The following FBN2 variants were observed in gnomAD, a reference collection of about 807,000 sequenced individuals.
The protein encoded by FBN2 is fibrillin-2.
In FBN2, 105 loss-of-function variants were observed where a neutral mutation model predicts 355.6. The observed-to-expected ratio is 0.30, with a 90% CI of 0.25 to 0.35. The LOEUF (loss-of-function observed/expected upper bound fraction) is 0.35, where lower values mean the gene tolerates loss of function less well. FBN2 is among the 10% of genes least tolerant of loss of function. The pLI is 1.00. For missense variants in FBN2, 3,280 were observed against 3,758.7 expected (o/e 0.87, Z 3.33); for synonymous variants, 1,350 against 1,301.2 (o/e 1.04, Z -0.81).
chr5:128,401,186 A>G (rs1232700270), intron 8 of FBN2, among the ~76,000 whole-genome samples: 1 of 152,178 alleles, frequency 6.6e-6, no homozygotes, highest in East Asian at 1.9e-4. Flanking sequence ...TGTTGCAAGT[A>G]CTTATCAGGA....
At chr5:128,319,127 T>C (rs1750296170) in intron 34 of FBN2, 126 bp from the exon 35 acceptor site, 1 of 733,200 alleles carries the variant, frequency 1.4e-6, no homozygotes, top group East Asian at 2.7e-5. Context: ...TTTTTTTTTC[T>C]CTTTTTTGGC....
chr5:128,386,911 T>C (rs1752380233), intron 11 of FBN2, among the ~76,000 whole-genome samples: 1 of 152,122 alleles, frequency 6.6e-6, no homozygotes, highest in Admixed American at 6.5e-5. Context: ...TCCTTTTTTA[T>C]TGTATCTCTG....
chr5:128,260,684 C>A (rs2126792850), intron 64 of FBN2, among the ~76,000 whole-genome samples: 1 of 152,286 alleles, frequency 6.6e-6, no homozygotes, highest in East Asian at 1.9e-4. Context: ...GTATCTTAGT[C>A]TACTTAAGGT....
intron 7 of FBN2, among the ~76,000 whole-genome samples, chr5:128,414,249 C>A (rs994997440): frequency 2.0e-5 from 3 of 152,142 alleles, no homozygotes; most frequent in African/African-American, 7.2e-5. Flanking sequence ...TTTCATCCCC[C>A]CCCAAGGAAA....
At chr5:128,365,349 G>A (rs1172601582) in intron 17 of FBN2, 1 of 152,276 alleles carries the variant, frequency 6.6e-6, no homozygotes, top group African/African-American at 2.4e-5. Flanking sequence ...GAATGATCAA[G>A]TAGTTTCCAA....
intron 23 of FBN2, among the ~76,000 whole-genome samples, chr5:128,346,550 T>G (rs943862825): frequency 3.9e-5 from 6 of 152,248 alleles, no homozygotes; most frequent in African/African-American, 1.4e-4. Flanking sequence ...TTCTTTCAAG[T>G]TCTAAAAGGT....
In FBN2 at chr5:128,530,692, C is replaced by A; in HGVS notation, c.339G>T (p.Pro113=). The change falls in exon 3 of 65, where the codon CCG becomes CCT. Residue 113 remains proline (P), a splice_region_variant and synonymous_variant. Coordinates refer to ENST00000262464, the MANE Select transcript of FBN2 (RefSeq NM_001999.4). ...CATCTCCACAACTATTTCTACAAAT[C>A]GCTGTAGAAAGCACAATAGGAAAAT... is the stretch of plus-strand genomic sequence containing the variant. ...TLPGGNQCIV[P]ICRNSCGDGF... 1.9e-6 allele frequency: 3 copies of A among 1,597,402 alleles called. No individual in the cohort carries two copies. The highest frequency in any genetic ancestry group is 2.6e-6 in the Non-Finnish European group (3 of 1,165,108).
At chr5:128,377,289 G>A (rs1205037100) in intron 13 of FBN2, among the ~76,000 whole-genome samples, 1 of 152,098 alleles carries the variant, frequency 6.6e-6, no homozygotes, top group Non-Finnish European at 1.5e-5. Context: ...CCATTGCACT[G>A]CTAGATATCA....
chr5:128,265,584 C>T (rs1765094992), intron 62 of FBN2, among the ~76,000 whole-genome samples: 1 of 152,142 alleles, frequency 6.6e-6, no homozygotes, highest in South Asian at 2.1e-4. Flanking sequence ...AACACAAAGT[C>T]TTCATATATG....
At chr5:128,465,029 C>T (rs1754671464) in intron 5 of FBN2, 108 bp from the exon 6 acceptor site, 1 of 1,077,064 alleles carries the variant, frequency 9.3e-7, no homozygotes, top group South Asian at 1.3e-5. Flanking sequence ...ACCAAAGTGT[C>T]CAAAGACAGA....
At position 128,537,733 on chromosome 5, in the gene FBN2, G is replaced by C. The variant is rs1341955604; in HGVS notation, c.-130C>G. On this transcript the variant is annotated 5_prime_UTR_variant, in exon 1 of 65. Coordinates refer to ENST00000262464, the MANE Select transcript of FBN2 (RefSeq NM_001999.4). ...GGCTCCGGGGACTCCCTCGGGCTCGGGCTCCCTGCTCTAGCTGGAGACCTC... is the reference window on the plus strand; with the variant it reads ...GGCTCCGGGGACTCCCTCGGGCTCGCGCTCCCTGCTCTAGCTGGAGACCTC... The C allele has an allele frequency of 1.7e-5, 15 of 908,076 alleles. No individual in the cohort carries two copies. The East Asian group carries it at 4.0e-4, about 24-fold the overall frequency. The allele number at this position is 908,076 out of a possible 1,614,324, so 56.3% of individuals were successfully genotyped here.
chr5:128,336,085 ATT>A lies in FBN2; in HGVS notation c.3625_3626del (p.Asn1209SerfsTer35). 1 of 1,613,520 alleles carries A rather than the reference ATT, an allele frequency of 6.2e-7. No individual in the cohort carries two copies. Among genetic ancestry groups the A allele is most frequent in the Non-Finnish European group, 8.5e-7 (1 of 1,179,530 alleles). ...VDINECSLSD[N>X]LCRNGKCVNM... Reference sequence around the variant, plus strand: ...TCACACATTTTCCATTTCTGCAGAGATTGTCACTCAGGGAGCATTCATTAATA... The same window carrying A: ...TCACACATTTTCCATTTCTGCAGAGAGTCACTCAGGGAGCATTCATTAATA... On this transcript the variant is annotated frameshift_variant, in exon 28 of 65. Transcript: ENST00000262464. LOFTEE classifies it high-confidence loss of function.
chr5:128,468,756 A>G (rs1406162289), intron 5 of FBN2, among the ~76,000 whole-genome samples: 1 of 152,228 alleles, frequency 6.6e-6, no homozygotes, highest in Non-Finnish European at 1.5e-5. Flanking sequence ...CATGCTAGAA[A>G]ACCAAAGTTG....
In FBN2 at chr5:128,337,954, C is replaced by T. The variant is rs191694834; in HGVS notation, c.3598+43G>A. ...GTCAGAACTGATCCCTGGTCTTTAC[C>T]AGTTGTGCTGGGCAGGTTTATGTGC... On this transcript the variant is annotated intron_variant, in intron 27 of 64. Transcript: ENST00000262464. 1.4e-5 allele frequency: 23 copies of T among 1,609,966 alleles called. No homozygotes were observed. In the East Asian group the frequency reaches 5.1e-4, roughly 36 times the overall value.
At position 128,263,577 on chromosome 5, in the gene FBN2, G is replaced by A. The variant is rs1351787807; in HGVS notation, c.8040C>T (p.Cys2680=). ...YNTLGSYKCA[C]PSGFSFDQFS... is the part of the protein sequence containing the mutation. ...ACTGGTCGAAGGAGAACCCCGAGGG[G>A]CAGGCGCACTTGTAACTCCCCAGGG... Residue 2680 remains cysteine, a synonymous_variant, in exon 63 of 65, where the codon TGC becomes TGT. Transcript: ENST00000262464. 6.2e-7 allele frequency: 1 copy of A among 1,614,108 alleles called. No individual in the cohort carries two copies. The highest frequency in any genetic ancestry group is 8.5e-7 in the Non-Finnish European group (1 of 1,180,000).
At chr5:128,309,553 T>C (rs1749976231) in intron 40 of FBN2, among the ~76,000 whole-genome samples, 154 bp from the exon 41 acceptor site, 1 of 152,204 alleles carries the variant, frequency 6.6e-6, no homozygotes, top group Non-Finnish European at 1.5e-5. Context: ...TCCTTAAACA[T>C]AAATCATTTT....
chr5:128,457,780 T>C (rs900285035), intron 6 of FBN2, among the ~76,000 whole-genome samples: 2 of 151,730 alleles, frequency 1.3e-5, no homozygotes, highest in Non-Finnish European at 2.9e-5. Flanking sequence ...ACCAGGCCTG[T>C]TCCTCAAGAG....
intron 6 of FBN2, among the ~76,000 whole-genome samples, chr5:128,463,710 A>T (rs535078405): frequency 6.6e-6 from 1 of 152,298 alleles, no homozygotes; most frequent in South Asian, 2.1e-4. Context: ...GATTTAGGAC[A>T]CTGACCAGGC....
intron 4 of FBN2, among the ~76,000 whole-genome samples, chr5:128,522,970 G>A (rs1488879091): frequency 6.6e-6 from 1 of 152,098 alleles, no homozygotes; most frequent in Non-Finnish European, 1.5e-5. Flanking sequence ...AATCCTAGAA[G>A]GAGAAAACAC....
Sources: allele counts gnomAD v4.1 joint callset (sites outside exome capture counted in the v4.1 genomes callset), GRCh38; gene constraint gnomAD v4.1.1; transcripts MANE v1.5; gene names NCBI Gene and HGNC (gene_info 2026-07-23, HGNC 2026-07-21).